PCDHGA4: variants seen among roughly 807,000 people sequenced by gnomAD.
PCDHGA4 encodes protocadherin gamma-A4.
PCDHGA4 carries 38 observed loss-of-function variants against 54.6 expected under a neutral mutation model. The ratio of observed to expected loss-of-function variants is 0.70; its 90% CI spans 0.54 to 0.91. The LOEUF is 0.91. Among genes scored for constraint, PCDHGA4 ranks in the 40% least tolerant of loss-of-function variants. The probability of loss-of-function intolerance (pLI) is 0.00; values close to 1 mark genes in which losing one functional copy is unlikely to be tolerated. For synonymous variants in PCDHGA4, 511 were observed against 512.9 expected, an observed-to-expected ratio of 1.00 and a Z score of 0.05; for missense variants, 1,298 against 1,220.9, an observed-to-expected ratio of 1.06 and a Z score of -0.94.
At chr5:141,413,626 G>T (rs757785567) in intron 1 of PCDHGA4, 24 of 1,613,680 alleles carry the variant, frequency 1.5e-5, no homozygotes, top group Non-Finnish European at 1.7e-5. Context: ...TGAAAATGTC[G>T]CTGCGGGAAT....
intron 1 of PCDHGA4, among the ~76,000 whole-genome samples, chr5:141,479,060 T>G (rs980468382): frequency 5.9e-5 from 9 of 152,248 alleles, no homozygotes; most frequent in Non-Finnish European, 1.3e-4. Context: ...CAGATAATTT[T>G]TTATGAATGA....
At chr5:141,463,650 A>G (rs1206605758) in intron 1 of PCDHGA4, among the ~76,000 whole-genome samples, 1 of 151,746 alleles carries the variant, frequency 6.6e-6, no homozygotes, top group South Asian at 2.1e-4. Flanking sequence ...ACGGGGTTTC[A>G]CCGTGTTAGC....
intron 1 of PCDHGA4, chr5:141,395,524 T>A: frequency 2.5e-6 from 1 of 392,376 alleles, no homozygotes; most frequent in Non-Finnish European, 4.5e-6. Flanking sequence ...CCGTCCATAC[T>A]GGTAATTTTG....
intron 2 of PCDHGA4, among the ~76,000 whole-genome samples, chr5:141,495,943 C>T (rs998665622): frequency 3.9e-5 from 6 of 152,010 alleles, no homozygotes; most frequent in African/African-American, 1.4e-4. Flanking sequence ...GTCTCTGTGC[C>T]TGTTGTCTTT....
At chr5:141,447,238 C>T (rs1028683423) in intron 1 of PCDHGA4, among the ~76,000 whole-genome samples, 1 of 152,148 alleles carries the variant, frequency 6.6e-6, no homozygotes, top group Non-Finnish European at 1.5e-5. Context: ...CTCCCGGGTT[C>T]AAGTGATTCT....
intron 1 of PCDHGA4, chr5:141,442,490 T>C (rs2098328971): frequency 6.6e-6 from 1 of 152,222 alleles, no homozygotes; most frequent in South Asian, 2.1e-4. Flanking sequence ...AAGGGGATGA[T>C]TGTGATTATT....
At chr5:141,394,239 G>A (rs530540432) in intron 1 of PCDHGA4, 1 of 1,613,868 alleles carries the variant, frequency 6.2e-7, no homozygotes, top group South Asian at 1.1e-5. Flanking sequence ...TTCCTTGACT[G>A]CACACGACCC....
intron 1 of PCDHGA4, chr5:141,388,917 G>C: frequency 6.2e-7 from 1 of 1,614,026 alleles, no homozygotes. Flanking sequence ...CGCCCCAGAA[G>C]TGATATTCCA....
At chr5:141,433,235 C>T (rs1307904588) in intron 1 of PCDHGA4, 13 of 1,509,616 alleles carry the variant, frequency 8.6e-6, no homozygotes, top group Non-Finnish European at 1.1e-5. Context: ...GCTCTGTCTC[C>T]CAAGCTGGAA....
chr5:141,383,486 T>C, intron 1 of PCDHGA4: 1 of 1,613,372 alleles, frequency 6.2e-7, no homozygotes, highest in Non-Finnish European at 8.5e-7. Context: ...GAACTGGTGC[T>C]GGAGCGGGTG....
intron 1 of PCDHGA4, chr5:141,384,678 G>A (rs770501792): frequency 5.0e-6 from 8 of 1,614,194 alleles, no homozygotes; most frequent in Middle Eastern, 3.3e-4. Flanking sequence ...AGGTGGTGGC[G>A]GTGGACAAAG....
chr5:141,464,271 A>AT (rs1336006891), intron 1 of PCDHGA4, among the ~76,000 whole-genome samples: 1 of 136,538 alleles, frequency 7.3e-6, no homozygotes, highest in Non-Finnish European at 1.5e-5. Flanking sequence ...TCTAAAAAAA[A>AT]AAAAAAGCAA....
chr5:141,357,665 C>T, intron 1 of PCDHGA4, 44 bp downstream of exon 1: 7 of 1,599,548 alleles, frequency 4.4e-6, no homozygotes, highest in Non-Finnish European at 6.0e-6. Flanking sequence ...GAAATATAGA[C>T]AAAGAGTTGT....
Position 141,486,226 on chromosome 5 carries a change from A to G in PCDHGA4, c.2515-8581A>G, listed in dbSNP as rs889500362. 5.0e-6 allele frequency: 8 copies of G among 1,614,012 alleles called. No individual in the cohort carries two copies. The highest frequency in any genetic ancestry group is 6.8e-6 in the Non-Finnish European group (8 of 1,180,018). On this transcript the variant is annotated intron_variant, in intron 1 of 3. Transcript: ENST00000571252. This position sits in a 1 kb window ranked among gnomAD's most constrained non-coding sequence, Gnocchi z 5.0. ...TAAATGACAATGCCCCTTACATCACAGTGACCTCAGAGCTTGGAACCCTCC... is the reference window on the plus strand; with the variant it reads ...TAAATGACAATGCCCCTTACATCACGGTGACCTCAGAGCTTGGAACCCTCC...
intron 1 of PCDHGA4, among the ~76,000 whole-genome samples, chr5:141,368,076 A>G (rs1765474511): frequency 6.6e-6 from 1 of 152,210 alleles, no homozygotes; most frequent in South Asian, 2.1e-4. Flanking sequence ...TCCCTTCTGC[A>G]TCTGATTTGC....
At chr5:141,365,186 G>T in intron 1 of PCDHGA4, 1 of 1,613,880 alleles carries the variant, frequency 6.2e-7, no homozygotes, top group Non-Finnish European at 8.5e-7. Flanking sequence ...CAATGAAGAA[G>T]AAAAAATTTC....
chr5:141,357,787 T>G lies in PCDHGA4; in HGVS notation c.2514+166T>G, dbSNP rs1268213946. Reference sequence around the variant, plus strand: ...CCTTCCAATAATGATCAACAGTATTTACCACACAAAAATGTTGTTTATTAC... The same window carrying G: ...CCTTCCAATAATGATCAACAGTATTGACCACACAAAAATGTTGTTTATTAC... On this transcript the variant is annotated intron_variant, in intron 1 of 3. Coordinates refer to ENST00000571252, the MANE Select transcript of PCDHGA4 (RefSeq NM_018917.4). 7 of 844,904 alleles carry G rather than the reference T, an allele frequency of 8.3e-6. No homozygotes were observed. In the Admixed American group the frequency reaches 1.5e-4, roughly 18 times the overall value. 52.3% of individuals were successfully genotyped at this position (844,904 alleles called of 1,614,324 possible).
chr5:141,389,320 TG>T (rs764190187), intron 1 of PCDHGA4: 2 of 1,613,848 alleles, frequency 1.2e-6, no homozygotes, highest in Non-Finnish European at 1.7e-6. Flanking sequence ...GATCCGGACT[TG>T]GGGCCCAACG....
chr5:141,428,293 C>T, intron 1 of PCDHGA4: 1 of 716,436 alleles, frequency 1.4e-6, no homozygotes, highest in South Asian at 1.6e-5. Context: ...AGCAAAGCTG[C>T]AGATTTACCT....
Sources: gnomAD v4.1 joint callset for allele counts (sites outside exome capture counted in the v4.1 genomes callset) on GRCh38, gnomAD v4.1.1 for gene constraint, Gnocchi (gnomAD v3.1) non-coding constraint, MANE v1.5 for transcripts, NCBI Gene and HGNC (gene_info 2026-07-23, HGNC 2026-07-21) for gene names.